Variants in CAMTA1 observed in about 807,000 individuals in gnomAD.
The protein encoded by CAMTA1 is calmodulin-binding transcription activator 1.
A neutral mutation model predicts 170.9 loss-of-function variants in CAMTA1; 27 were observed. The observed-to-expected ratio is 0.16, with a 90% CI of 0.12 to 0.22. The LOEUF (loss-of-function observed/expected upper bound fraction) is 0.22, where lower values mean the gene tolerates loss of function less well. Ranked by LOEUF, CAMTA1 falls within the 10% of genes least tolerant of loss-of-function variation. CAMTA1 has a pLI of 1.00. For missense variants in CAMTA1, 1,619 were observed against 2,217.2 expected, an observed-to-expected ratio of 0.73 and a Z score of 5.42; for synonymous variants, 833 against 891.5, an observed-to-expected ratio of 0.93 and a Z score of 1.17.
chr1:7,087,439 G>T (rs1465275408), intron 3 of CAMTA1, among the ~76,000 whole-genome samples: 3 of 152,196 alleles, frequency 2.0e-5, no homozygotes, highest in Non-Finnish European at 4.4e-5. Flanking sequence ...GACTCCTCCT[G>T]GTCCACTGAA....
intron 6 of CAMTA1, among the ~76,000 whole-genome samples, chr1:7,537,269 T>C (rs1312948252): frequency 1.3e-5 from 2 of 152,182 alleles, no homozygotes; most frequent in Non-Finnish European, 2.9e-5. Flanking sequence ...TGTGATCCTT[T>C]GCCCGTCGGC....
chr1:7,398,183 CTCTCTCTCTCTATATATATA>C (rs1192769310), intron 5 of CAMTA1, among the ~76,000 whole-genome samples: 26 of 45,196 alleles, frequency 5.8e-4, no homozygotes, highest in African/African-American at 2.0e-3. Flanking sequence ...CTCTCTCTCT[CTCTCTCTCTCTATATATATA>C]TATATATATA....
intron 5 of CAMTA1, among the ~76,000 whole-genome samples, chr1:7,382,961 A>T (rs982251598): frequency 2.0e-5 from 3 of 152,220 alleles, no homozygotes; most frequent in Non-Finnish European, 4.4e-5. Flanking sequence ...TACAACCAGT[A>T]TCTATTTACT....
chr1:7,469,177 G>A (rs1041033927), intron 6 of CAMTA1, among the ~76,000 whole-genome samples: 3 of 152,174 alleles, frequency 2.0e-5, no homozygotes, highest in Admixed American at 6.5e-5. Flanking sequence ...ACCTCACCCT[G>A]TCATCAGTTT....
intron 4 of CAMTA1, among the ~76,000 whole-genome samples, chr1:7,187,488 C>T (rs1653615764): frequency 6.6e-6 from 1 of 152,048 alleles, no homozygotes; most frequent in Non-Finnish European, 1.5e-5. Context: ...TTTGTCTCCC[C>T]ATTAAATTTT....
intron 6 of CAMTA1, among the ~76,000 whole-genome samples, chr1:7,548,464 T>A (rs2094733667): frequency 1.4e-5 from 1 of 71,602 alleles, no homozygotes; most frequent in Non-Finnish European, 3.0e-5. Flanking sequence ...GGTGCCCCCT[T>A]AGGAGTGGAG....
At chr1:7,308,773 T>C (rs989826911) in intron 5 of CAMTA1, among the ~76,000 whole-genome samples, 2 of 152,204 alleles carry the variant, frequency 1.3e-5, no homozygotes, top group African/African-American at 4.8e-5. Flanking sequence ...ATTCCATGTA[T>C]AATTAAAAAG....
chr1:7,097,513 A>G (rs1197474047), intron 4 of CAMTA1, among the ~76,000 whole-genome samples: 1 of 152,206 alleles, frequency 6.6e-6, no homozygotes, highest in Non-Finnish European at 1.5e-5. Context: ...GTCTTTGTTC[A>G]GCCCCATTGT....
rs114864508 is a variant in CAMTA1 at position 7,736,584 on chromosome 1, C to T, written c.3263+44C>T. 8,149 of 1,571,198 alleles carry T rather than the reference C, an allele frequency of 5.2e-3. 51 individuals carry two copies. The highest frequency in any genetic ancestry group is 0.024 in the Admixed American group (1,430 of 59,842). ...TGGCTGGGGGTCAGCCTCGCACATCCTCGCTCACATTCTTCCTGAGCACTG... is the reference window on the plus strand; with the variant it reads ...TGGCTGGGGGTCAGCCTCGCACATCTTCGCTCACATTCTTCCTGAGCACTG... On this transcript the variant is annotated intron_variant, in intron 13 of 22. Coordinates refer to ENST00000303635, the MANE Select transcript of CAMTA1 (RefSeq NM_015215.4). The surrounding 1 kb of genome is among the most constrained non-coding windows in gnomAD (Gnocchi z 4.5).
chr1:7,581,498 C>T (rs967171242), intron 6 of CAMTA1, among the ~76,000 whole-genome samples: 1 of 152,198 alleles, frequency 6.6e-6, no homozygotes, highest in African/African-American at 2.4e-5. Flanking sequence ...GGAGAAAGTA[C>T]AGAAACAATG....
At chr1:7,123,415 G>T (rs1305113556) in intron 4 of CAMTA1, among the ~76,000 whole-genome samples, 2 of 152,104 alleles carry the variant, frequency 1.3e-5, no homozygotes, top group Admixed American at 1.3e-4. Context: ...CATCCGCGAA[G>T]ACCCTATTTC....
chr1:7,074,191 AG>A, intron 3 of CAMTA1, among the ~76,000 whole-genome samples: 1 of 152,332 alleles, frequency 6.6e-6, no homozygotes, highest in Non-Finnish European at 1.5e-5. Context: ...GTGAAATGAC[AG>A]AAAGATCAGA....
intron 3 of CAMTA1, among the ~76,000 whole-genome samples, chr1:6,994,969 C>T (rs1227643206): frequency 6.6e-6 from 1 of 152,070 alleles, no homozygotes; most frequent in Non-Finnish European, 1.5e-5. Context: ...GCACCCGGCC[C>T]GAGCTTCTTG....
intron 6 of CAMTA1, among the ~76,000 whole-genome samples, chr1:7,505,953 C>T (rs936946578): frequency 7.2e-5 from 11 of 152,108 alleles, no homozygotes; most frequent in African/African-American, 2.4e-4. Flanking sequence ...GGTTCTCAGG[C>T]GGGCAGGTTT....
At chr1:7,155,391 G>GT (rs1188628762) in intron 4 of CAMTA1, among the ~76,000 whole-genome samples, 2 of 149,272 alleles carry the variant, frequency 1.3e-5, no homozygotes, top group African/African-American at 5.1e-5. Flanking sequence ...CACCGTTGGG[G>GT]GGGGGATTGG....
chr1:7,454,240 G>A (rs529078886), intron 5 of CAMTA1, among the ~76,000 whole-genome samples: 41 of 152,300 alleles, frequency 2.7e-4, no homozygotes, highest in East Asian at 1.2e-3. Flanking sequence ...TTCCTGGGCG[G>A]GAGTCCCCAC....
At chr1:7,301,021 G>A (rs1212111783) in intron 5 of CAMTA1, among the ~76,000 whole-genome samples, 1 of 152,122 alleles carries the variant, frequency 6.6e-6, no homozygotes, top group Non-Finnish European at 1.5e-5. Flanking sequence ...GGTATTAAAT[G>A]CACTTTCTAA....
At position 7,010,289 on chromosome 1, in the gene CAMTA1, C is replaced by T. The variant is rs1400391367; in HGVS notation, c.235-81015C>T. Among the ~76,000 whole-genome samples the T allele has an allele frequency of 2.0e-5, 3 of 152,160 alleles. No homozygotes were observed. Among genetic ancestry groups the T allele is most frequent in the Admixed American group, 1.3e-4 (2 of 15,282 alleles). ...AGGACCCCAGGGCCGGCTCCTGGGCCGCCCCCTCACTCGGCGTCCAGTGCT... is the reference window on the plus strand; with the variant it reads ...AGGACCCCAGGGCCGGCTCCTGGGCTGCCCCCTCACTCGGCGTCCAGTGCT... On this transcript the variant is annotated intron_variant, in intron 3 of 22. Transcript: ENST00000303635. The surrounding 1 kb of genome is among the most constrained non-coding windows in gnomAD (Gnocchi z 4.4).
chr1:6,862,918 G>A (rs1665276885), intron 3 of CAMTA1, among the ~76,000 whole-genome samples: 1 of 152,138 alleles, frequency 6.6e-6, no homozygotes, highest in African/African-American at 2.4e-5. Flanking sequence ...ACCCAAAAAA[G>A]ATAACTATTT....
Sources: allele counts gnomAD v4.1 joint callset (sites outside exome capture counted in the v4.1 genomes callset), GRCh38; gene constraint gnomAD v4.1.1; non-coding constraint Gnocchi (gnomAD v3.1); transcripts MANE v1.5; gene names NCBI Gene and HGNC (gene_info 2026-07-23, HGNC 2026-07-21).